The following LRRC4C variants were observed in gnomAD, a reference collection of about 807,000 sequenced individuals.
LRRC4C encodes leucine-rich repeat-containing protein 4C.
A neutral mutation model predicts 33.6 loss-of-function variants in LRRC4C; 5 were observed. The observed-to-expected ratio is 0.15, with a 90% CI of 0.08 to 0.31. The LOEUF (loss-of-function observed/expected upper bound fraction) is 0.31, where lower values mean the gene tolerates loss of function less well. LRRC4C is among the 10% of genes least tolerant of loss of function. The pLI, the probability that LRRC4C is intolerant of heterozygous loss-of-function variation, is 1.00. For synonymous variants in LRRC4C, 329 were observed against 302.0 expected (o/e 1.09, Z -0.93); for missense variants, 560 against 796.7 (o/e 0.70, Z 3.58).
At chr11:41,066,736 C>T (rs574520384) in intron 1 of LRRC4C, among the ~76,000 whole-genome samples, 1 of 152,204 alleles carries the variant, frequency 6.6e-6, no homozygotes, top group South Asian at 2.1e-4. Flanking sequence ...CCCTACATGC[C>T]AGAAGAGAGT....
At chr11:41,157,494 A>G (rs1226930879) in intron 1 of LRRC4C, among the ~76,000 whole-genome samples, 1 of 152,198 alleles carries the variant, frequency 6.6e-6, no homozygotes, top group African/African-American at 2.4e-5. Flanking sequence ...ATATCTAATT[A>G]TGCAATATTT....
chr11:40,125,354 G>T (rs1856137888), intron 6 of LRRC4C, among the ~76,000 whole-genome samples: 1 of 148,680 alleles, frequency 6.7e-6, no homozygotes, highest in Admixed American at 6.7e-5. Flanking sequence ...GGACAAAGCT[G>T]ATAAGAAAGA....
chr11:41,042,965 C>T (rs1857528310), intron 1 of LRRC4C, among the ~76,000 whole-genome samples: 1 of 148,598 alleles, frequency 6.7e-6, no homozygotes, highest in Admixed American at 6.8e-5. Flanking sequence ...CTGGTTAGCA[C>T]CTTTGCATTC....
chr11:40,590,551 G>A (rs1321519441), intron 3 of LRRC4C, among the ~76,000 whole-genome samples: 6 of 152,178 alleles, frequency 3.9e-5, no homozygotes, highest in African/African-American at 9.6e-5. Flanking sequence ...GAGGAGAGGC[G>A]CTCTGCTTTT....
intron 5 of LRRC4C, among the ~76,000 whole-genome samples, chr11:40,174,130 C>T (rs907245648): frequency 1.3e-5 from 2 of 152,092 alleles, no homozygotes; most frequent in African/African-American, 2.4e-5. Flanking sequence ...GGTGTTAGCA[C>T]GCTGCATGAA....
intron 2 of LRRC4C, among the ~76,000 whole-genome samples, chr11:40,768,849 C>T (rs973652571): frequency 3.9e-5 from 6 of 151,942 alleles, no homozygotes; most frequent in Non-Finnish European, 8.8e-5. Flanking sequence ...CAATAAAAGC[C>T]ACATATGACA....
intron 2 of LRRC4C, among the ~76,000 whole-genome samples, chr11:40,712,500 C>T (rs1284732778): frequency 6.6e-6 from 1 of 152,058 alleles, no homozygotes; most frequent in African/African-American, 2.4e-5. Context: ...AATTGTAGTT[C>T]ATGGGAACAG....
intron 5 of LRRC4C, among the ~76,000 whole-genome samples, chr11:40,164,875 C>T (rs752367632): frequency 6.6e-6 from 1 of 152,030 alleles, no homozygotes; most frequent in Non-Finnish European, 1.5e-5. Context: ...TAAATTGGTA[C>T]AATTATTATG....
intron 2 of LRRC4C, among the ~76,000 whole-genome samples, chr11:40,826,811 T>C (rs1952187670): frequency 6.6e-6 from 1 of 151,948 alleles, no homozygotes; most frequent in African/African-American, 2.4e-5. Flanking sequence ...TGGAAGGATT[T>C]CAATTCAGTA....
chr11:40,665,321 AAAAAATAT>A (rs1199809113), intron 2 of LRRC4C, among the ~76,000 whole-genome samples: 3 of 13,016 alleles, frequency 2.3e-4, no homozygotes, highest in Non-Finnish European at 3.6e-4. Flanking sequence ...AAAAAAAAAA[AAAAAATAT>A]ATATATATAT....
chr11:41,263,952 A>T (rs1364855535), intron 1 of LRRC4C, among the ~76,000 whole-genome samples: 1 of 152,112 alleles, frequency 6.6e-6, no homozygotes, highest in Non-Finnish European at 1.5e-5. Flanking sequence ...GAAAGATGTG[A>T]ATCACAGTCT....
chr11:41,005,628 A>AG (rs1854692863), intron 1 of LRRC4C, among the ~76,000 whole-genome samples: 1 of 152,028 alleles, frequency 6.6e-6, no homozygotes, highest in Non-Finnish European at 1.5e-5. Context: ...AAATAAAAAA[A>AG]GCTGCCCCTG....
intron 1 of LRRC4C, among the ~76,000 whole-genome samples, chr11:40,959,367 G>T (rs1959096508): frequency 6.6e-6 from 1 of 151,524 alleles, no homozygotes; most frequent in African/African-American, 2.4e-5. Context: ...CCATGTCCCT[G>T]GAACAATCCC....
intron 1 of LRRC4C, among the ~76,000 whole-genome samples, chr11:41,349,188 C>A (rs572771522): frequency 6.6e-6 from 1 of 152,118 alleles, no homozygotes; most frequent in African/African-American, 2.4e-5. Context: ...TTGCCAGTGG[C>A]CACCATTGGC....
At chr11:40,372,909 G>A (rs1021951975) in intron 3 of LRRC4C, among the ~76,000 whole-genome samples, 8 of 152,052 alleles carry the variant, frequency 5.3e-5, no homozygotes, top group African/African-American at 1.9e-4. Flanking sequence ...TTAGTTTTAA[G>A]CCAGATAATT....
intron 1 of LRRC4C, among the ~76,000 whole-genome samples, chr11:41,323,877 T>C (rs536709189): frequency 1.3e-5 from 2 of 152,288 alleles, no homozygotes; most frequent in South Asian, 4.1e-4. Context: ...AAATTATATT[T>C]TATATAAGGG....
intron 3 of LRRC4C, among the ~76,000 whole-genome samples, chr11:40,599,202 A>G (rs1479915285): frequency 3.3e-5 from 5 of 151,888 alleles, no homozygotes. Flanking sequence ...TAATCCCACA[A>G]TTTTGGGAGG....
chr11:41,454,365 G>A (rs937788340), intron 1 of LRRC4C, among the ~76,000 whole-genome samples: 6 of 152,096 alleles, frequency 3.9e-5, no homozygotes, highest in South Asian at 2.1e-4. Context: ...CCAAGGGGCC[G>A]CCTTTAAGAC....
rs867472619 is a variant in LRRC4C, at chr11:41,304,458, C to T, written c.-496+154973G>A. Among the ~76,000 whole-genome samples the T allele has an allele frequency of 4.7e-3, 434 of 92,900 alleles. 2 individuals are homozygous for T. The highest frequency in any genetic ancestry group is 0.018 in the African/African-American group (412 of 22,602). 60.9% of individuals were successfully genotyped at this position (92,900 alleles called of 152,430 possible). A position where few individuals can be genotyped will look rare whatever the true frequency, so the allele number is the denominator to read the frequency against. On this transcript the variant is annotated intron_variant, in intron 1 of 6. Coordinates refer to ENST00000528697, the MANE Select transcript of LRRC4C (RefSeq NM_001258419.2). ...CTGGGAGGTGAGGGGCGCCTCTGCC[C>T]GGCCGCCCCTACTGGGAAGTGAGGA...
Sources: gnomAD v4.1 joint callset for allele counts (sites outside exome capture counted in the v4.1 genomes callset) on GRCh38, gnomAD v4.1.1 for gene constraint, MANE v1.5 for transcripts, NCBI Gene and HGNC (gene_info 2026-07-23, HGNC 2026-07-21) for gene names.